Variants in CCDC157 observed in about 807,000 individuals in gnomAD.
The protein encoded by CCDC157 is coiled-coil domain-containing protein 157.
Under a neutral mutation model 70.9 loss-of-function variants are expected in CCDC157, and 60 were observed. That is an observed-to-expected ratio of 0.85 (90% CI 0.69 to 1.05). The LOEUF is 1.05. CCDC157 is among the 50% of genes least tolerant of loss of function. CCDC157 has a pLI of 0.00. For synonymous variants in CCDC157, 373 were observed against 422.4 expected, an observed-to-expected ratio of 0.88 and a Z score of 1.43; for missense variants, 943 against 984.2, an observed-to-expected ratio of 0.96 and a Z score of 0.56.
chr22:30,374,141 A>T (rs749103821), intron 9 of CCDC157, 50 bp downstream of exon 9: 34 of 1,546,110 alleles, frequency 2.2e-5, no homozygotes, highest in Non-Finnish European at 2.6e-5. Context: ...CAGGGCCAGC[A>T]GCTGAGGGCT....
rs1316707465 is a variant in CCDC157 at position 30,378,247 on chromosome 22, C to T, written c.*1502C>T. 3 of 459,730 alleles carry T rather than the reference C, an allele frequency of 6.5e-6. No homozygotes were observed. Among genetic ancestry groups the T allele is most frequent in the African/African-American group, 2.0e-5 (1 of 50,000 alleles). The allele number at this position is 459,730 out of a possible 1,614,324, so 28.5% of individuals were successfully genotyped here. On this transcript the variant is annotated 3_prime_UTR_variant, in exon 12 of 12. Transcript: ENST00000338306. Reference sequence around the variant, plus strand: ...AGCAGAAAACTACTTTGAATAGGCTCATGTGGTTAGGGCAAGGCTCACACT... The same window carrying T: ...AGCAGAAAACTACTTTGAATAGGCTTATGTGGTTAGGGCAAGGCTCACACT...
chr22:30,371,553 C>T (rs1453498192), intron 5 of CCDC157, 97 bp from the exon 6 acceptor site: 7 of 1,037,198 alleles, frequency 6.7e-6, no homozygotes, highest in Admixed American at 1.8e-5. Flanking sequence ...CCTCTGCAGG[C>T]GATGGGCTGC....
intron 4 of CCDC157, 21 bp downstream of exon 4, chr22:30,369,624 CAGGT>C (rs1408265465): frequency 6.7e-7 from 1 of 1,488,320 alleles, no homozygotes. Context: ...GCCTCTGTCT[CAGGT>C]GGGTCAGCCT....
chr22:30,374,391 A>C, intron 9 of CCDC157: 1 of 581,890 alleles, frequency 1.7e-6, no homozygotes, highest in Non-Finnish European at 3.3e-6. Context: ...ACTACGTCAC[A>C]TGCTAATTCT....
At position 30,370,330 on chromosome 22, in the gene CCDC157, G is replaced by A. The variant is rs776605719; in HGVS notation, c.425G>A (p.Gly142Glu). 1 of 1,613,364 alleles carries A rather than the reference G, an allele frequency of 6.2e-7. No homozygotes were observed. ...CTTGTCTTTTTCTGAACACAGAAAG[G>A]GGCAAACCAAAGGGAGACTCCCACC... Reference protein sequence around the residue: ...TLHQQPLPQKGANQRETPTSK... With the variant: ...TLHQQPLPQKEANQRETPTSK... The change falls in exon 5 of 12, where the codon GGG becomes GAG. Residue 142 changes from glycine (G) to glutamate (E), a missense_variant. Gly to Glu is a moderately conservative substitution (Grantham distance 98). Transcript: ENST00000338306.
chr22:30,357,996 A>G (rs17657701), intron 1 of CCDC157, among the ~76,000 whole-genome samples: 30,666 of 152,014 alleles, frequency 0.2, 3,358 homozygotes, highest in Middle Eastern at 0.35. Context: ...ACTCTCACAG[A>G]TGCAGCCCTG....
At chr22:30,371,866 C>A in intron 6 of CCDC157, 139 bp downstream of exon 6, 1 of 841,782 alleles carries the variant, frequency 1.2e-6, no homozygotes, top group Non-Finnish European at 1.9e-6. Flanking sequence ...CCTGACCAAC[C>A]ACACTATTGG....
Position 30,365,973 on chromosome 22 carries a change from TTCTCTGC to T in CCDC157, c.-11-14_-11-8del. On this transcript the variant is annotated splice_polypyrimidine_tract_variant and intron_variant, in intron 2 of 11. Coordinates refer to ENST00000338306, the MANE Select transcript of CCDC157 (RefSeq NM_001017437.5). Reference sequence around the variant, plus strand: ...CACGTGGCTCTGGCTGGCAGGGCTCTTCTCTGCTCACCCCAGGATCTGTGAGGATGGC... The same window carrying T: ...CACGTGGCTCTGGCTGGCAGGGCTCTTCACCCCAGGATCTGTGAGGATGGC... 1 of 1,555,502 alleles carries T rather than the reference TTCTCTGC, an allele frequency of 6.4e-7. No homozygotes were observed. Among genetic ancestry groups the T allele is most frequent in the Non-Finnish European group, 8.7e-7 (1 of 1,154,994 alleles).
intron 2 of CCDC157, 116 bp from the exon 3 acceptor site, chr22:30,365,874 G>T (rs1932686276): frequency 9.7e-7 from 1 of 1,028,696 alleles, no homozygotes; most frequent in Admixed American, 2.6e-5. Context: ...CTTCTCCCCA[G>T]GGTCTGGGGT....
At chr22:30,376,216 C>T in intron 10 of CCDC157, 43 bp from the exon 11 acceptor site, 1 of 1,574,568 alleles carries the variant, frequency 6.4e-7, no homozygotes, top group Non-Finnish European at 8.7e-7. Context: ...GGGGAGGGGA[C>T]TCCTGGGCCC....
In CCDC157 at chr22:30,372,202, G is replaced by A; in HGVS notation, c.1251G>A (p.Glu417=). ...TGCAGCTGTTGGTGGGTCGGCTGGA[G>A]GGCGCTGGCCAGCAGGTCTGCTGGG... ...AQVQLLVGRL[E]GAGQQVCWAS... is the part of the protein sequence containing the mutation. Residue 417 remains glutamate (E), a synonymous_variant, in exon 7 of 12, where the codon GAG becomes GAA. Transcript: ENST00000338306. 1 of 1,594,438 alleles carries A rather than the reference G, an allele frequency of 6.3e-7. No homozygotes were observed. The highest frequency in any genetic ancestry group is 8.5e-7 in the Non-Finnish European group (1 of 1,173,612).
chr22:30,376,072 G>C, intron 10 of CCDC157, 187 bp from the exon 11 acceptor site: 4 of 588,304 alleles, frequency 6.8e-6, no homozygotes, highest in Non-Finnish European at 9.0e-6. Context: ...CACACTTGCT[G>C]CCTGCCCAAG....
Position 30,368,491 on chromosome 22 carries a change from C to T in CCDC157, c.249-941C>T, listed in dbSNP as rs527811185. 1.2e-4 allele frequency among the ~76,000 whole-genome samples: 19 copies of T among 152,366 alleles called. No homozygotes were observed. The South Asian group carries it at 2.5e-3, about 20-fold the overall frequency. On this transcript the variant is annotated intron_variant, in intron 3 of 11. Coordinates refer to ENST00000338306, the MANE Select transcript of CCDC157 (RefSeq NM_001017437.5). Reference sequence around the variant, plus strand: ...GGCTGCAGACAGCACCACAGTCTCCCGCTGCGAGGGTCGGTTGGTCTAAGC... The same window carrying T: ...GGCTGCAGACAGCACCACAGTCTCCTGCTGCGAGGGTCGGTTGGTCTAAGC...
rs550164297 is a variant in CCDC157 at position 30,361,449 on chromosome 22, G to A, written c.-165-512G>A. On this transcript the variant is annotated intron_variant, in intron 1 of 11. Transcript: ENST00000338306. ...GAGGTCACAGACTGACCTTCCTGGCGGCCTGCTTCAGAGAAGAAGGATGAG... is the reference window on the plus strand; with the variant it reads ...GAGGTCACAGACTGACCTTCCTGGCAGCCTGCTTCAGAGAAGAAGGATGAG... Among the ~76,000 whole-genome samples the A allele has an allele frequency of 5.9e-4, 89 of 152,082 alleles. 1 individual carries two copies. Among genetic ancestry groups the A allele is most frequent in the Non-Finnish European group, 1.1e-3 (75 of 68,000 alleles).
intron 11 of CCDC157, 34 bp downstream of exon 11, chr22:30,376,381 AGT>A: frequency 6.2e-7 from 1 of 1,613,532 alleles, no homozygotes; most frequent in South Asian, 1.1e-5. Flanking sequence ...GGGGCAGGTG[AGT>A]GGAGTGTTCC....
intron 2 of CCDC157, among the ~76,000 whole-genome samples, chr22:30,364,857 C>G (rs186003576): frequency 6.6e-6 from 1 of 151,848 alleles, no homozygotes; most frequent in East Asian, 1.9e-4. Context: ...AATGGCTTCT[C>G]TGTCACCGCT....
At chr22:30,357,668 AT>A (rs71198545) in intron 1 of CCDC157, among the ~76,000 whole-genome samples, 67,001 of 131,192 alleles carry the variant, frequency 0.51, 17,228 homozygotes, top group South Asian at 0.71. Flanking sequence ...CACCCGGCTA[AT>A]TTTTTTTTTT....
At chr22:30,371,853 G>T in intron 6 of CCDC157, 126 bp downstream of exon 6, 1 of 901,358 alleles carries the variant, frequency 1.1e-6, no homozygotes, top group Admixed American at 2.2e-5. Flanking sequence ...ACAGGAGGGT[G>T]GGCCTGACCA....
chr22:30,358,771 A>G (rs1932128213), intron 1 of CCDC157, among the ~76,000 whole-genome samples: 2 of 152,208 alleles, frequency 1.3e-5, no homozygotes, highest in South Asian at 2.1e-4. Context: ...TAAGGGCTCA[A>G]TTAGTGCTGT....
Sources: gnomAD v4.1 joint callset for allele counts (sites outside exome capture counted in the v4.1 genomes callset) on GRCh38, gnomAD v4.1.1 for gene constraint, MANE v1.5 for transcripts, NCBI Gene and HGNC (gene_info 2026-07-23, HGNC 2026-07-21) for gene names.